The following EFCAB5 variants were observed in gnomAD, a reference collection of about 807,000 sequenced individuals.
EFCAB5 encodes the protein EF-hand calcium-binding domain-containing protein 5.
Under a neutral mutation model 167.9 loss-of-function variants are expected in EFCAB5, and 131 were observed. The ratio of observed to expected loss-of-function variants is 0.78; its 90% CI spans 0.68 to 0.90. The LOEUF is 0.90. EFCAB5 is among the 40% of genes least tolerant of loss of function. The pLI is 0.00. For synonymous variants in EFCAB5, 574 were observed against 602.8 expected, an observed-to-expected ratio of 0.95 and a Z score of 0.70; for missense variants, 1,663 against 1,745.2, an observed-to-expected ratio of 0.95 and a Z score of 0.84.
chr17:29,981,831 C>A lies in EFCAB5; in HGVS notation c.768-11334C>A, dbSNP rs568535603. ...TAATTTAGAGTAATTGAATTTTTAA[C>A]TTTGAAATATCTGGAATTAATCATC... On this transcript the variant is annotated intron_variant, in intron 4 of 22. Transcript: ENST00000394835. Among the ~76,000 whole-genome samples the A allele has an allele frequency of 3.9e-5, 6 of 152,178 alleles. No homozygotes were observed. In the South Asian group the frequency reaches 1.2e-3, roughly 32 times the overall value.
At chr17:29,934,618 T>G (rs922053766) in intron 1 of EFCAB5, among the ~76,000 whole-genome samples, 1 of 152,194 alleles carries the variant, frequency 6.6e-6, no homozygotes, top group Non-Finnish European at 1.5e-5. Context: ...TCCTGCTCTT[T>G]TGGTACCTGG....
At chr17:30,013,022 A>T (rs1283373805) in intron 7 of EFCAB5, among the ~76,000 whole-genome samples, 1 of 152,148 alleles carries the variant, frequency 6.6e-6, no homozygotes, top group Admixed American at 6.5e-5. Context: ...AAGGCTGTTG[A>T]ATTTTGTCGA....
At chr17:30,042,979 T>C (rs1169494188) in intron 8 of EFCAB5, among the ~76,000 whole-genome samples, 1 of 152,016 alleles carries the variant, frequency 6.6e-6, no homozygotes, top group Non-Finnish European at 1.5e-5. Context: ...ACAAGGGTGG[T>C]TTAACATTCA....
intron 3 of EFCAB5, among the ~76,000 whole-genome samples, chr17:29,968,141 G>A (rs551822454): frequency 6.6e-6 from 1 of 152,080 alleles, no homozygotes; most frequent in Non-Finnish European, 1.5e-5. Flanking sequence ...CTCCCAAAAT[G>A]TTGGGATTAC....
In EFCAB5 at chr17:30,080,869, C is replaced by T; in HGVS notation, c.3314C>T (p.Ala1105Val). The T allele has an allele frequency of 6.2e-7, 1 of 1,613,842 alleles. No individual in the cohort carries two copies. Among genetic ancestry groups the T allele is most frequent in the Non-Finnish European group, 8.5e-7 (1 of 1,179,832 alleles). ...CATGATTATAATGGTTCATTCCTGG[C>T]TCTGCCTCTTCAAGATGCATATATG... ...NKHDYNGSFL[A>V]LPLQDAYMRI... is the part of the protein sequence containing the mutation. Residue 1105 changes from alanine (A) to valine (V), a missense_variant, in exon 17 of 23, where the codon GCT becomes GTT. Ala to Val is a moderately conservative substitution (Grantham distance 64, BLOSUM62 0). Coordinates refer to ENST00000394835, the MANE Select transcript of EFCAB5 (RefSeq NM_198529.4).
rs1311341272 is a variant in EFCAB5 at position 30,090,218 on chromosome 17, G to T, written c.3684-203G>T. On this transcript the variant is annotated intron_variant, in intron 19 of 22. Coordinates refer to ENST00000394835, the MANE Select transcript of EFCAB5 (RefSeq NM_198529.4). Reference sequence around the variant, plus strand: ...GTCAGGGACGCCTTCTCTGCCGAGGGGATGTTTGAGCAGAGACATGAGTGA... The same window carrying T: ...GTCAGGGACGCCTTCTCTGCCGAGGTGATGTTTGAGCAGAGACATGAGTGA... 4.7e-6 allele frequency: 3 copies of T among 641,910 alleles called. No individual in the cohort carries two copies. The East Asian group carries it at 9.0e-5, about 19-fold the overall frequency. The allele number at this position is 641,910 out of a possible 1,614,324, so 39.8% of individuals were successfully genotyped here.
intron 8 of EFCAB5, among the ~76,000 whole-genome samples, chr17:30,049,502 CAAACA>C (rs2070024983): frequency 6.7e-6 from 1 of 148,604 alleles, no homozygotes; most frequent in Non-Finnish European, 1.5e-5. Context: ...AAAACAAAAA[CAAACA>C]AAAAAAAAAC....
At chr17:29,931,305 G>C (rs1430657986) in intron 1 of EFCAB5, among the ~76,000 whole-genome samples, 1 of 152,004 alleles carries the variant, frequency 6.6e-6, no homozygotes, top group Non-Finnish European at 1.5e-5. Context: ...AAACACTCTT[G>C]GATCTCATTG....
chr17:30,095,500 C>T (rs28368875), intron 22 of EFCAB5, among the ~76,000 whole-genome samples: 13,221 of 152,170 alleles, frequency 0.087, 1,874 homozygotes, highest in African/African-American at 0.3. Context: ...CTTCAAGATT[C>T]GCCTTCCCTG....
intron 14 of EFCAB5, among the ~76,000 whole-genome samples, chr17:30,061,686 C>T (rs557536017): frequency 2.7e-3 from 414 of 152,264 alleles, no homozygotes; most frequent in Non-Finnish European, 5.2e-3. Flanking sequence ...AATGATCCTC[C>T]CATCTCAGCC....
In EFCAB5 at chr17:29,969,227, C is replaced by T. The variant is rs899975392; in HGVS notation, c.627C>T (p.Asp209=). ...LTEADTPSKF[D]PINYLGEYLI... ...AAGCTGATACTCCAAGCAAGTTTGACCCAATTAATTATTTGGGGGAATATT... is the reference window on the plus strand; with the variant it reads ...AAGCTGATACTCCAAGCAAGTTTGATCCAATTAATTATTTGGGGGAATATT... The change falls in exon 4 of 23, where the codon GAC becomes GAT. Residue 209 remains aspartate (D), a synonymous_variant. Transcript: ENST00000394835. 6.2e-7 allele frequency: 1 copy of T among 1,613,772 alleles called. No homozygotes were observed. Among genetic ancestry groups the T allele is most frequent in the Non-Finnish European group, 8.5e-7 (1 of 1,179,804 alleles).
chr17:30,068,629 A>G, intron 14 of EFCAB5: 2 of 1,501,168 alleles, frequency 1.3e-6, no homozygotes, highest in Non-Finnish European at 1.8e-6. Flanking sequence ...GCGGGTCGCT[A>G]GGGCGGTGGA....
chr17:29,943,816 A>C (rs567533804), intron 3 of EFCAB5, among the ~76,000 whole-genome samples, 167 bp downstream of exon 3: 12 of 152,296 alleles, frequency 7.9e-5, no homozygotes, highest in African/African-American at 2.9e-4. Flanking sequence ...TCTTCTAAAA[A>C]TACAAAAAAT....
At chr17:29,959,555 G>T (rs2067680381) in intron 3 of EFCAB5, among the ~76,000 whole-genome samples, 1 of 152,080 alleles carries the variant, frequency 6.6e-6, no homozygotes, top group South Asian at 2.1e-4. Flanking sequence ...ATCAGGTGAT[G>T]AATCCTACTG....
At chr17:30,085,719 C>CAAAAAAAAAAA (rs60700223) in intron 18 of EFCAB5, among the ~76,000 whole-genome samples, 1 of 125,474 alleles carries the variant, frequency 8.0e-6, no homozygotes, top group African/African-American at 3.1e-5. Flanking sequence ...GACTCCGTCT[C>CAAAAAAAAAAA]AAAAAAAAAA....
Position 30,091,516 on chromosome 17 carries a change from A to G in EFCAB5, c.3938-355A>G, listed in dbSNP as rs73274850. Among the ~76,000 whole-genome samples the G allele has an allele frequency of 3.3e-3, 497 of 152,330 alleles. 5 individuals carry two copies. Among genetic ancestry groups the G allele is most frequent in the African/African-American group, 0.011 (438 of 41,582 alleles). Reference sequence around the variant, plus strand: ...ATATATCATCTTCTCTAATTCTCACAGCTAACCAAGGAAGTAGGGATTAAG... The same window carrying G: ...ATATATCATCTTCTCTAATTCTCACGGCTAACCAAGGAAGTAGGGATTAAG... On this transcript the variant is annotated intron_variant, in intron 20 of 22. Transcript: ENST00000394835.
At chr17:30,045,458 C>CTCAA (rs2069897437) in intron 8 of EFCAB5, among the ~76,000 whole-genome samples, 1 of 80,388 alleles carries the variant, frequency 1.2e-5, no homozygotes. Flanking sequence ...GCTCTGTCTC[C>CTCAA]AAAAAAAAAA....
intron 22 of EFCAB5, among the ~76,000 whole-genome samples, chr17:30,098,753 A>T (rs1397307296): frequency 6.6e-6 from 1 of 152,164 alleles, no homozygotes; most frequent in African/African-American, 2.4e-5. Context: ...ACCACTATCT[A>T]ATTTTAGAAC....
intron 4 of EFCAB5, among the ~76,000 whole-genome samples, chr17:29,977,694 G>C (rs930489365): frequency 6.6e-6 from 1 of 152,128 alleles, no homozygotes; most frequent in African/African-American, 2.4e-5. Context: ...TAAAGAGAGA[G>C]AAACACAAAG....
Sources: gnomAD v4.1 joint callset for allele counts (sites outside exome capture counted in the v4.1 genomes callset) on GRCh38, gnomAD v4.1.1 for gene constraint, MANE v1.5 for transcripts, NCBI Gene and HGNC (gene_info 2026-07-23, HGNC 2026-07-21) for gene names.